CCAR1: variants seen among roughly 807,000 people sequenced by gnomAD.
CCAR1 encodes the protein cell division cycle and apoptosis regulator protein 1.
CCAR1 carries 78 observed loss-of-function variants against 163.8 expected under a neutral mutation model. The ratio of observed to expected loss-of-function variants is 0.48; its 90% CI spans 0.40 to 0.57. The LOEUF is 0.57. Among genes scored for constraint, CCAR1 ranks in the 20% least tolerant of loss-of-function variants. CCAR1 has a pLI of 0.00. For synonymous variants in CCAR1, 443 were observed against 460.7 expected, an observed-to-expected ratio of 0.96 and a Z score of 0.49; for missense variants, 1,019 against 1,365.2, an observed-to-expected ratio of 0.75 and a Z score of 4.00.
chr10:68,749,348 A>G, intron 9 of CCAR1, 83 bp downstream of exon 9: 3 of 1,368,528 alleles, frequency 2.2e-6, no homozygotes, highest in Non-Finnish European at 2.9e-6. Context: ...AACTATGCTT[A>G]TAATATAAAA....
intron 6 of CCAR1, among the ~76,000 whole-genome samples, chr10:68,745,148 G>T (rs1404599085): frequency 6.6e-6 from 1 of 152,082 alleles, no homozygotes; most frequent in African/African-American, 2.4e-5. Flanking sequence ...TGGGATTACA[G>T]GCGCCTGCCA....
At chr10:68,785,838 AT>A (rs2056789657) in intron 19 of CCAR1, among the ~76,000 whole-genome samples, 1 of 152,200 alleles carries the variant, frequency 6.6e-6, no homozygotes, top group Admixed American at 6.5e-5. Flanking sequence ...GACATTTCTT[AT>A]AAATGGAATA....
chr10:68,752,885 TA>T (rs1213564079), intron 10 of CCAR1, among the ~76,000 whole-genome samples: 4 of 28,998 alleles, frequency 1.4e-4, no homozygotes, highest in Non-Finnish European at 2.3e-4. Context: ...TAGGATAGAA[TA>T]GATAGATAGA....
chr10:68,742,329 A>G (rs769641736), intron 5 of CCAR1, 47 bp from the exon 6 acceptor site: 1 of 1,463,714 alleles, frequency 6.8e-7, no homozygotes, highest in Non-Finnish European at 9.3e-7. Flanking sequence ...CAGTTTTTAG[A>G]TGATTTCAAA....
chr10:68,772,613 C>T (rs2056616877), intron 18 of CCAR1, among the ~76,000 whole-genome samples: 1 of 151,750 alleles, frequency 6.6e-6, no homozygotes, highest in Admixed American at 6.6e-5. Context: ...CCATTTTAAG[C>T]CAGGCACAGT....
intron 19 of CCAR1, among the ~76,000 whole-genome samples, chr10:68,785,918 T>C (rs1472278859): frequency 6.6e-6 from 1 of 152,218 alleles, no homozygotes; most frequent in African/African-American, 2.4e-5. Flanking sequence ...ATGTATGTTT[T>C]AGCATAAGGT....
At chr10:68,775,863 A>G (rs1241080264) in intron 19 of CCAR1, among the ~76,000 whole-genome samples, 1 of 151,734 alleles carries the variant, frequency 6.6e-6, no homozygotes, top group Non-Finnish European at 1.5e-5. Context: ...CACCTTGCTA[A>G]TTTTTGTATT....
chr10:68,768,494 CCAGCTACT>C (rs1213085931), intron 17 of CCAR1, among the ~76,000 whole-genome samples: 1 of 151,752 alleles, frequency 6.6e-6, no homozygotes, highest in African/African-American at 2.4e-5. Context: ...GCCTGTAATC[CCAGCTACT>C]CAGGACGCTG....
At position 68,763,612 on chromosome 10, in the gene CCAR1, T is replaced by C. The variant is rs539072512; in HGVS notation, c.2107-2276T>C. On this transcript the variant is annotated intron_variant, in intron 16 of 24. Coordinates refer to ENST00000265872, the MANE Select transcript of CCAR1 (RefSeq NM_018237.4). ...ACAGGCGCCTGCCACCATGCCTGGC[T>C]AATTTTTGTATTTTTAGTAGAGATG... Among the ~76,000 whole-genome samples the C allele has an allele frequency of 1.2e-4, 19 of 152,256 alleles. No individual in the cohort carries two copies. In the East Asian group the frequency reaches 3.5e-3, roughly 28 times the overall value.
intron 5 of CCAR1, among the ~76,000 whole-genome samples, chr10:68,741,622 T>A (rs1256968762): frequency 6.6e-6 from 1 of 152,226 alleles, no homozygotes; most frequent in African/African-American, 2.4e-5. Context: ...TGGAATGATA[T>A]TCCAGATAAT....
chr10:68,765,987 G>T lies in CCAR1; in HGVS notation c.2206G>T (p.Ala736Ser), dbSNP rs200295441. Residue 736 changes from alanine to serine, a missense_variant, in exon 17 of 25, where the codon GCT becomes TCT. By Grantham distance (99) the Ala-to-Ser change is moderately conservative. This residue lies in a region of CCAR1 where 644 missense variants were observed against 904.4 expected (regional missense o/e 0.71). Transcript: ENST00000265872. The stretch of plus-strand genomic sequence containing the variant: ...GGCCATCATTGTACATCCAAATTGG[G>T]CTGCAAAAAGTGGCAAGTTTGATTG... ...EPAIIVHPNW[A>S]AKSGKFDCSI... is the part of the protein sequence containing the mutation. 2.5e-6 allele frequency: 4 copies of T among 1,613,768 alleles called. No individual in the cohort carries two copies. Among genetic ancestry groups the T allele is most frequent in the Non-Finnish European group, 3.4e-6 (4 of 1,179,860 alleles).
chr10:68,762,064 T>C (rs1275477849), intron 16 of CCAR1, among the ~76,000 whole-genome samples: 1 of 151,768 alleles, frequency 6.6e-6, no homozygotes, highest in African/African-American at 2.4e-5. Context: ...GAGCGGTGGC[T>C]CATGCCTGTA....
chr10:68,786,233 C>T lies in CCAR1; in HGVS notation c.2733+15C>T, dbSNP rs758126462. 11 of 1,510,238 alleles carry T rather than the reference C, an allele frequency of 7.3e-6. No individual in the cohort carries two copies. In the South Asian group the frequency reaches 1.0e-4, roughly 14 times the overall value. 93.6% of individuals were successfully genotyped at this position (1,510,238 alleles called of 1,614,324 possible). A position where few individuals can be genotyped will look rare whatever the true frequency, so the allele number is the denominator to read the frequency against. ...CTAAAGATAAGGTGTTTATTGAATACTGTATTCTTTATAATATGGTGATAT... is the reference window on the plus strand; with the variant it reads ...CTAAAGATAAGGTGTTTATTGAATATTGTATTCTTTATAATATGGTGATAT... On this transcript the variant is annotated intron_variant, in intron 20 of 24. Coordinates refer to ENST00000265872, the MANE Select transcript of CCAR1 (RefSeq NM_018237.4).
intron 15 of CCAR1, 37 bp from the exon 16 acceptor site, chr10:68,760,970 T>G: frequency 1.5e-4 from 52 of 344,972 alleles, no homozygotes; most frequent in Middle Eastern, 4.7e-4. Flanking sequence ...CCCCGCCACC[T>G]TTTTTTTTTC....
rs1016662924 is a variant in CCAR1, at chr10:68,754,090, C to T, written c.1344+13C>T. 1 of 1,514,478 alleles carries T rather than the reference C, an allele frequency of 6.6e-7. No homozygotes were observed. Among genetic ancestry groups the T allele is most frequent in the Non-Finnish European group, 9.1e-7 (1 of 1,095,290 alleles). The allele number at this position is 1,514,478 out of a possible 1,614,324, so 93.8% of individuals were successfully genotyped here. On this transcript the variant is annotated intron_variant, in intron 11 of 24. Transcript: ENST00000265872. ...ATACAGTGCAAAGGTTTGTATTCAG[C>T]TGTGATATGCAGCTTAAATTTCTTA...
At chr10:68,738,304 C>T (rs917901231) in intron 4 of CCAR1, among the ~76,000 whole-genome samples, 1 of 152,042 alleles carries the variant, frequency 6.6e-6, no homozygotes, top group Admixed American at 6.6e-5. Flanking sequence ...ATCCCAGCTA[C>T]GTGGGAGGCT....
chr10:68,775,061 A>T (rs2056647596), intron 19 of CCAR1: 1 of 310,720 alleles, frequency 3.2e-6, no homozygotes, highest in Admixed American at 4.9e-5. Context: ...AGTTGAAAAG[A>T]TCAAAAAGTT....
chr10:68,730,262 G>A (rs531115827), intron 2 of CCAR1, among the ~76,000 whole-genome samples: 1 of 150,526 alleles, frequency 6.6e-6, no homozygotes, highest in Admixed American at 6.6e-5. Context: ...AATAAATTAT[G>A]TTAATAGTAT....
chr10:68,789,330 G>A (rs1007389065), intron 23 of CCAR1, among the ~76,000 whole-genome samples: 10 of 151,728 alleles, frequency 6.6e-5, no homozygotes, highest in African/African-American at 2.4e-4. Context: ...GGTGGCTCCC[G>A]CCTGTAATCC....
Sources: gnomAD v4.1 joint callset for allele counts (sites outside exome capture counted in the v4.1 genomes callset) on GRCh38, gnomAD v4.1.1 for gene constraint, gnomAD v4.1.1 regional missense constraint, MANE v1.5 for transcripts, NCBI Gene and HGNC (gene_info 2026-07-23, HGNC 2026-07-21) for gene names.